The following ADAMTS16 variants were observed in gnomAD, a reference collection of about 807,000 sequenced individuals.
ADAMTS16 encodes ADAM metallopeptidase with thrombospondin type 1 motif 16, also known as A disintegrin and metalloproteinase with thrombospondin motifs 16.
Under a neutral mutation model 145.8 loss-of-function variants are expected in ADAMTS16, and 94 were observed. The ratio of observed to expected loss-of-function variants is 0.64; its 90% CI spans 0.55 to 0.77. The LOEUF is 0.77. Among genes scored for constraint, ADAMTS16 ranks in the 30% least tolerant of loss-of-function variants. The probability of loss-of-function intolerance (pLI) is 0.00; values close to 1 mark genes in which losing one functional copy is unlikely to be tolerated. For missense variants in ADAMTS16, 1,585 were observed against 1,591.5 expected, an observed-to-expected ratio of 1.00 and a Z score of 0.07; for synonymous variants, 659 against 604.3, an observed-to-expected ratio of 1.09 and a Z score of -1.33.
At chr5:5,175,405 T>A (rs1260792527) in intron 3 of ADAMTS16, among the ~76,000 whole-genome samples, 1 of 152,138 alleles carries the variant, frequency 6.6e-6, no homozygotes, top group Non-Finnish European at 1.5e-5. Context: ...CTCGTTAAAC[T>A]TTTTTCTCCT....
chr5:5,199,987 G>T (rs1279188376), intron 8 of ADAMTS16, 145 bp from the exon 9 acceptor site: 1 of 938,212 alleles, frequency 1.1e-6, no homozygotes, highest in Non-Finnish European at 1.5e-6. Context: ...TTAACCAATT[G>T]GCAGTTGTGA....
At chr5:5,163,053 G>A (rs770352367) in intron 3 of ADAMTS16, among the ~76,000 whole-genome samples, 47 of 152,134 alleles carry the variant, frequency 3.1e-4, no homozygotes, top group Non-Finnish European at 5.9e-4. Flanking sequence ...AGGGAGCTTC[G>A]TGGTAACAGC....
intron 21 of ADAMTS16, among the ~76,000 whole-genome samples, chr5:5,313,207 G>A (rs1159994912): frequency 3.3e-5 from 5 of 152,154 alleles, no homozygotes; most frequent in Non-Finnish European, 7.3e-5. Context: ...ATGGCTGAAA[G>A]GGCTGTGTTT....
At position 5,209,086 on chromosome 5, in the gene ADAMTS16, G is replaced by A. The variant is rs1736206175; in HGVS notation, c.1452-7G>A. 6.2e-7 allele frequency: 1 copy of A among 1,611,514 alleles called. No homozygotes were observed. The highest frequency in any genetic ancestry group is 1.3e-5 in the African/African-American group (1 of 74,824). On this transcript the variant is annotated splice_region_variant and splice_polypyrimidine_tract_variant and intron_variant, in intron 9 of 22. Transcript: ENST00000274181. ...GTTACTAGTAGCTCATCTCCTCTTT[G>A]TTTCAGCACCGCTCAAGCTATCTGC...
intron 17 of ADAMTS16, among the ~76,000 whole-genome samples, chr5:5,259,615 C>T (rs558843392): frequency 6.6e-6 from 1 of 152,208 alleles, no homozygotes; most frequent in Non-Finnish European, 1.5e-5. Context: ...GGTCCCACTA[C>T]TGAATCCACA....
chr5:5,266,357 A>G (rs1194281132), intron 18 of ADAMTS16, among the ~76,000 whole-genome samples: 1 of 152,194 alleles, frequency 6.6e-6, no homozygotes, highest in African/African-American at 2.4e-5. Context: ...TTGCATCTGC[A>G]AACCCCACAG....
At chr5:5,162,181 A>T (rs1448762081) in intron 3 of ADAMTS16, among the ~76,000 whole-genome samples, 1 of 152,248 alleles carries the variant, frequency 6.6e-6, no homozygotes, top group Non-Finnish European at 1.5e-5. Context: ...TCGGGAAAAT[A>T]ATTGATATTG....
chr5:5,162,792 AG>A (rs1734777176), intron 3 of ADAMTS16, among the ~76,000 whole-genome samples: 1 of 145,468 alleles, frequency 6.9e-6, no homozygotes, highest in African/African-American at 2.6e-5. Flanking sequence ...GAGGAGAGGA[AG>A]AGAGAATATG....
rs563458920 is a variant in ADAMTS16, at chr5:5,216,595, C to CT, written c.1606-6183dup. On this transcript the variant is annotated intron_variant, in intron 10 of 22. Transcript: ENST00000274181. ...CTTTTGGGTTCTTGGTCATGAAATT[C>CT]TTTTTTTTTTTCTATTTTTTTTTAT... Among the ~76,000 whole-genome samples the CT allele has an allele frequency of 1.8e-3, 230 of 129,532 alleles. 1 individual carries two copies. The highest frequency in any genetic ancestry group is 5.7e-3 in the African/African-American group (181 of 31,960). 85.0% of individuals were successfully genotyped at this position (129,532 alleles called of 152,430 possible).
intron 4 of ADAMTS16, among the ~76,000 whole-genome samples, chr5:5,183,791 AGT>A (rs2126563689): frequency 6.6e-6 from 1 of 152,228 alleles, no homozygotes; most frequent in South Asian, 2.1e-4. Context: ...GTGTGTGTGT[AGT>A]GTGTGTTGCC....
chr5:5,268,649 C>G (rs560430722), intron 18 of ADAMTS16, among the ~76,000 whole-genome samples: 1 of 152,330 alleles, frequency 6.6e-6, no homozygotes, highest in South Asian at 2.1e-4. Context: ...GCCCCATACA[C>G]TGCATACATC....
At chr5:5,285,466 C>A (rs1253693678) in intron 18 of ADAMTS16, among the ~76,000 whole-genome samples, 1 of 152,214 alleles carries the variant, frequency 6.6e-6, no homozygotes, top group African/African-American at 2.4e-5. Flanking sequence ...TGCTGGGATC[C>A]TGGCTCCACG....
chr5:5,219,253 TC>T (rs1179493579), intron 10 of ADAMTS16, among the ~76,000 whole-genome samples: 1 of 152,226 alleles, frequency 6.6e-6, no homozygotes, highest in Non-Finnish European at 1.5e-5. Flanking sequence ...ATCACACTCT[TC>T]TAGTTATCTT....
At chr5:5,298,510 A>T (rs1236475001) in intron 18 of ADAMTS16, among the ~76,000 whole-genome samples, 2 of 152,102 alleles carry the variant, frequency 1.3e-5, no homozygotes, top group Non-Finnish European at 2.9e-5. Context: ...GCCCTTGGCC[A>T]CCTGCCAGAC....
At chr5:5,184,788 C>G (rs573736619) in intron 4 of ADAMTS16, among the ~76,000 whole-genome samples, 3 of 152,066 alleles carry the variant, frequency 2.0e-5, no homozygotes, top group Non-Finnish European at 2.9e-5. Context: ...CGTGAGATCA[C>G]CACCCCACGG....
intron 2 of ADAMTS16, among the ~76,000 whole-genome samples, chr5:5,142,905 A>G (rs917942337): frequency 6.6e-6 from 1 of 152,176 alleles, no homozygotes; most frequent in African/African-American, 2.4e-5. Flanking sequence ...AACACCACGC[A>G]TCTACAACCA....
At chr5:5,308,085 C>T (rs1367068115) in intron 21 of ADAMTS16, among the ~76,000 whole-genome samples, 1 of 152,218 alleles carries the variant, frequency 6.6e-6, no homozygotes, top group Non-Finnish European at 1.5e-5. Flanking sequence ...GGTTGCATGA[C>T]CATAACAGGT....
Position 5,143,524 on chromosome 5 carries a change from G to C in ADAMTS16, c.176-2606G>C, listed in dbSNP as rs141881885. Among the ~76,000 whole-genome samples, 1,168 of 152,340 alleles carry C rather than the reference G, an allele frequency of 7.7e-3. 15 individuals are homozygous for C. Among genetic ancestry groups the C allele is most frequent in the African/African-American group, 0.027 (1,111 of 41,578 alleles). On this transcript the variant is annotated intron_variant, in intron 2 of 22. Transcript: ENST00000274181. ...GGAGAAATAGGAACACTTTTACACA[G>C]TTGGTGGGAGTGTAAATTAGTTCAA...
intron 3 of ADAMTS16, among the ~76,000 whole-genome samples, chr5:5,162,987 C>T (rs188776676): frequency 3.2e-4 from 49 of 152,214 alleles, no homozygotes; most frequent in African/African-American, 1.2e-3. Context: ...GCATTATTTC[C>T]ATTTAATGTG....
Sources: allele counts gnomAD v4.1 joint callset (sites outside exome capture counted in the v4.1 genomes callset), GRCh38; gene constraint gnomAD v4.1.1; transcripts MANE v1.5; gene names NCBI Gene and HGNC (gene_info 2026-07-23, HGNC 2026-07-21).